The following ANKRD30B variants were observed in gnomAD, a reference collection of about 807,000 sequenced individuals.
ANKRD30B encodes the protein ankyrin repeat domain-containing protein 30B.
Under a neutral mutation model 202.2 loss-of-function variants are expected in ANKRD30B, and 144 were observed. The observed-to-expected ratio is 0.71, with a 90% CI of 0.62 to 0.82. The LOEUF (loss-of-function observed/expected upper bound fraction) is 0.82. Among genes scored for constraint, ANKRD30B ranks in the 40% least tolerant of loss-of-function variants. ANKRD30B has a pLI of 0.00. For missense variants in ANKRD30B, 1,487 were observed against 1,669.1 expected (o/e 0.89, Z 1.90); for synonymous variants, 508 against 561.3 (o/e 0.91, Z 1.34).
chr18:14,879,424 C>T, the ANKRD30B span, among the ~76,000 whole-genome samples: 13 of 152,298 alleles, frequency 8.5e-5, no homozygotes, highest in East Asian at 3.9e-4. Context: ...TGCTAATGCA[C>T]TGCCTCAATA....
the ANKRD30B span, among the ~76,000 whole-genome samples, chr18:14,908,733 A>C: frequency 7.8e-3 from 1,183 of 152,286 alleles, 12 homozygotes; most frequent in African/African-American, 0.027. Context: ...GACTGAGTGA[A>C]TGAGAGTGCT....
chr18:14,754,838 A>G, intron 3 of ANKRD30B, 61 bp from the exon 4 acceptor site: 3 of 1,164,822 alleles, frequency 2.6e-6, no homozygotes, highest in Non-Finnish European at 3.5e-6. Flanking sequence ...AATATAAGGT[A>G]TTCAGTTCAG....
chr18:14,860,365 C>A, the ANKRD30B span, among the ~76,000 whole-genome samples: 1 of 115,022 alleles, frequency 8.7e-6, no homozygotes, highest in East Asian at 2.6e-4. Flanking sequence ...CGGGCAGAGG[C>A]GCTCCTCACT....
At chr18:14,797,722 A>G in intron 19 of ANKRD30B, 33 bp downstream of exon 19, 2 of 1,607,868 alleles carry the variant, frequency 1.2e-6, no homozygotes. Context: ...CTTGAATATT[A>G]ACTACATATT....
chr18:14,866,012 T>C, the ANKRD30B span, among the ~76,000 whole-genome samples: 5 of 152,188 alleles, frequency 3.3e-5, no homozygotes, highest in Non-Finnish European at 7.3e-5. Context: ...TGGACTTTGT[T>C]ATCATGTTCT....
chr18:14,784,535 G>A lies in ANKRD30B; in HGVS notation c.1672G>A (p.Ala558Thr). Reference protein sequence around the residue: ...ELKNEQTLRAAQMFPSESKQK... With the variant: ...ELKNEQTLRATQMFPSESKQK... The stretch of plus-strand genomic sequence containing the variant: ...GAAGAATGAACAAACATTGAGAGCA[G>A]GTAAATTTTTCAATTTAACTATGCA... The change falls in exon 14 of 44, where the codon GCT (alanine) becomes ACT (threonine). Residue 558 changes from alanine to threonine, a missense_variant and splice_region_variant. Ala to Thr is a moderately conservative substitution (Grantham distance 58). Around this residue, in one of 6 missense-constraint regions of ANKRD30B, gnomAD observed 889 missense variants for 841.4 expected, o/e 1.06. Coordinates refer to ENST00000690538, the MANE Select transcript of ANKRD30B (RefSeq NM_001367607.2). 1 of 1,611,968 alleles carries A rather than the reference G, an allele frequency of 6.2e-7. No homozygotes were observed. Among genetic ancestry groups the A allele is most frequent in the Non-Finnish European group, 8.5e-7 (1 of 1,178,680 alleles).
At chr18:14,861,982 T>G in the ANKRD30B span, among the ~76,000 whole-genome samples, 8 of 152,178 alleles carry the variant, frequency 5.3e-5, no homozygotes, top group African/African-American at 1.9e-4. Flanking sequence ...TATCAAGAAC[T>G]CTCAGAACCA....
Position 14,769,467 on chromosome 18 carries a change from A to T in ANKRD30B, c.1256+94A>T, listed in dbSNP as rs1043862229. On this transcript the variant is annotated intron_variant, in intron 8 of 43. Coordinates refer to ENST00000690538, the MANE Select transcript of ANKRD30B (RefSeq NM_001367607.2). ...TGCTGAGTATTCTACTCTGGGCTAG[A>T]CAACATATTATGTGCTTAATATTTA... The T allele has an allele frequency of 6.1e-6, 6 of 981,090 alleles. 1 individual carries two copies. In the East Asian group the frequency reaches 1.6e-4, roughly 26 times the overall value. The allele number at this position is 981,090 out of a possible 1,614,324, so 60.8% of individuals were successfully genotyped here.
chr18:14,781,786 C>A (rs1324673777), intron 11 of ANKRD30B, among the ~76,000 whole-genome samples: 1 of 152,154 alleles, frequency 6.6e-6, no homozygotes, highest in Non-Finnish European at 1.5e-5. Flanking sequence ...ACAGTTGCCA[C>A]TATGGCCCTG....
the ANKRD30B span, among the ~76,000 whole-genome samples, chr18:14,918,336 A>G: frequency 2.0e-5 from 3 of 152,152 alleles, no homozygotes; most frequent in African/African-American, 7.2e-5. Flanking sequence ...CAATACATCT[A>G]TTTAGATTTT....
At chr18:14,917,238 C>G in the ANKRD30B span, among the ~76,000 whole-genome samples, 1 of 152,306 alleles carries the variant, frequency 6.6e-6, no homozygotes, top group East Asian at 1.9e-4. Flanking sequence ...AACTGAAATA[C>G]TTGTGTTTTT....
In ANKRD30B at chr18:14,850,341, C is replaced by A. The variant is rs761678464; in HGVS notation, c.3523C>A (p.Gln1175Lys). Residue 1175 changes from glutamine (Q) to lysine (K), a missense_variant, in exon 41 of 44, where the codon CAA becomes AAA. Transcript: ENST00000690538. ...ACAACTTGAACAGACTCTCAGAATA[C>A]AAGATATAGAATTGAAAAGTGTAAC... Reference protein sequence around the residue: ...KQQLEQTLRIQDIELKSVTSN... With the variant: ...KQQLEQTLRIKDIELKSVTSN... The A allele has an allele frequency of 9.5e-6, 15 of 1,582,180 alleles. No individual in the cohort carries two copies. The highest frequency in any genetic ancestry group is 5.1e-6 in the Non-Finnish European group (6 of 1,167,928).
chr18:14,936,106 A>G, the ANKRD30B span, among the ~76,000 whole-genome samples: 4 of 152,330 alleles, frequency 2.6e-5, no homozygotes, highest in Non-Finnish European at 1.5e-5. Flanking sequence ...GCAAGGGAAC[A>G]TTCCCAAATA....
chr18:14,793,399 TA>T (rs1968656164), intron 16 of ANKRD30B, among the ~76,000 whole-genome samples: 2 of 152,216 alleles, frequency 1.3e-5, no homozygotes, highest in African/African-American at 4.8e-5. Flanking sequence ...TGTAGCATTC[TA>T]TGTTCAGCTT....
Position 14,772,191 on chromosome 18 carries a change from G to T in ANKRD30B, c.1292G>T (p.Cys431Phe). Residue 431 changes from cysteine to phenylalanine, a missense_variant, in exon 9 of 44, where the codon TGT becomes TTT. This residue lies in a region of ANKRD30B where 889 missense variants were observed against 841.4 expected (regional missense o/e 1.06). Transcript: ENST00000690538. ...FGTRTIENSQ[C>F]TKVEEDFNLA... ...ACACGGACTATTGAAAATTCACAGT[G>T]TACAAAAGTTGAGGAAGACTTTAAT... 1 of 1,508,418 alleles carries T rather than the reference G, an allele frequency of 6.6e-7. No homozygotes were observed. The highest frequency in any genetic ancestry group is 1.3e-5 in the South Asian group (1 of 75,736). The allele number at this position is 1,508,418 out of a possible 1,614,324, so 93.4% of individuals were successfully genotyped here.
the ANKRD30B span, among the ~76,000 whole-genome samples, chr18:14,902,797 G>A: frequency 6.6e-6 from 1 of 152,168 alleles, no homozygotes; most frequent in Non-Finnish European, 1.5e-5. Context: ...CCTTGGGTAA[G>A]TAATACAGCA....
chr18:14,858,759 G>A (rs529203438), downstream of ANKRD30B, among the ~76,000 whole-genome samples: 40 of 94,520 alleles, frequency 4.2e-4, 1 homozygote, highest in East Asian at 1.0e-3. Flanking sequence ...CACCTCCCAG[G>A]GGGGGCAGCC....
rs1915518049 is a variant in ANKRD30B, at chr18:14,763,098, A to G, written c.821-588A>G. ...TAAGATACTAAGCATTTTTCTTATTATTATTATCTTTTTTATTATTTATTA... is the reference window on the plus strand; with the variant it reads ...TAAGATACTAAGCATTTTTCTTATTGTTATTATCTTTTTTATTATTTATTA... On this transcript the variant is annotated intron_variant, in intron 6 of 43. Transcript: ENST00000690538. Among the ~76,000 whole-genome samples the G allele has an allele frequency of 1.3e-5, 2 of 151,826 alleles. 1 individual carries two copies. The highest frequency in any genetic ancestry group is 4.2e-4 in the South Asian group (2 of 4,810).
rs761219016 is a variant in ANKRD30B, at chr18:14,826,640, T to G, written c.2744-1638T>G. Among the ~76,000 whole-genome samples the G allele has an allele frequency of 6.9e-4, 103 of 150,238 alleles. No individual in the cohort carries two copies. The South Asian group carries it at 0.012, about 17-fold the overall frequency. On this transcript the variant is annotated intron_variant, in intron 32 of 43. Coordinates refer to ENST00000690538, the MANE Select transcript of ANKRD30B (RefSeq NM_001367607.2). ...TTTTTTATCTGCTTCTTGTGGAGAG[T>G]GGAGATCTGTATTGTTTCTCTCTCT...
Sources: allele counts gnomAD v4.1 joint callset (sites outside exome capture counted in the v4.1 genomes callset), GRCh38; gene constraint gnomAD v4.1.1; regional missense constraint gnomAD v4.1.1; transcripts MANE v1.5; gene names NCBI Gene and HGNC (gene_info 2026-07-23, HGNC 2026-07-21).